UACA: variants seen among roughly 807,000 people sequenced by gnomAD.
UACA encodes the protein nuclear membrane binding protein.
A neutral mutation model predicts 160.5 loss-of-function variants in UACA; 112 were observed. That is an observed-to-expected ratio of 0.70 (90% CI 0.60 to 0.82). The LOEUF is 0.82. Among genes scored for constraint, UACA ranks in the 40% least tolerant of loss-of-function variants. UACA has a pLI of 0.00. For missense variants in UACA, 1,574 were observed against 1,614.6 expected, an observed-to-expected ratio of 0.97 and a Z score of 0.43; for synonymous variants, 557 against 568.4, an observed-to-expected ratio of 0.98 and a Z score of 0.29.
chr15:70,689,142 G>A (rs778675934), intron 5 of UACA, among the ~76,000 whole-genome samples: 1 of 152,098 alleles, frequency 6.6e-6, no homozygotes, highest in Non-Finnish European at 1.5e-5. Flanking sequence ...CTAGAATACG[G>A]CTACGACCAC....
chr15:70,744,434 T>C (rs1011348398), intron 1 of UACA, among the ~76,000 whole-genome samples: 2 of 152,076 alleles, frequency 1.3e-5, no homozygotes, highest in African/African-American at 4.8e-5. Context: ...ATATACCCGA[T>C]GCCTCATAAA....
rs538413326 is a variant in UACA at position 70,693,830 on chromosome 15, C to T, written c.301+1187G>A. ...GAGCTCTGAAGAGGTAAGGTTAGTC[C>T]AAAATTTCTAAAAATAAATATTCTT... On this transcript the variant is annotated intron_variant, in intron 3 of 18. Coordinates refer to ENST00000322954, the MANE Select transcript of UACA (RefSeq NM_018003.4). 1.8e-4 allele frequency among the ~76,000 whole-genome samples: 28 copies of T among 152,170 alleles called. 1 individual carries two copies. In the South Asian group the frequency reaches 5.4e-3, roughly 29 times the overall value.
At chr15:70,715,764 G>A (rs923324698) in intron 1 of UACA, among the ~76,000 whole-genome samples, 4 of 152,010 alleles carry the variant, frequency 2.6e-5, no homozygotes, top group Admixed American at 6.5e-5. Flanking sequence ...AATTAATAAT[G>A]AGAAAGAATG....
intron 1 of UACA, among the ~76,000 whole-genome samples, chr15:70,737,680 C>A (rs1899410062): frequency 6.6e-6 from 1 of 152,070 alleles, no homozygotes; most frequent in South Asian, 2.1e-4. Context: ...TGTACTTTAA[C>A]CTGGGTGGAA....
At chr15:70,691,225 C>A (rs1311815081) in intron 4 of UACA, 74 bp downstream of exon 4, 2 of 1,105,712 alleles carry the variant, frequency 1.8e-6, no homozygotes, top group Admixed American at 2.4e-5. Context: ...TCTAAAATTC[C>A]AAAAACACAT....
Position 70,668,335 on chromosome 15 carries a change from CTCCATT to C in UACA, c.2343_2348del (p.Met782_Glu783del). On this transcript the variant is annotated inframe_deletion, in exon 16 of 19. Transcript: ENST00000322954. Reference sequence around the variant, plus strand: ...AGCTGTCATTTTCCAGTAGCAATTTCTCCATTTCCAACTTCTTTTCTGTATATTTTT... The same window carrying C: ...AGCTGTCATTTTCCAGTAGCAATTTCTCCAACTTCTTTTCTGTATATTTTT... 4 of 1,610,660 alleles carry C rather than the reference CTCCATT, an allele frequency of 2.5e-6. No homozygotes were observed. Among genetic ancestry groups the C allele is most frequent in the African/African-American group, 2.7e-5 (2 of 74,728 alleles).
intron 1 of UACA, among the ~76,000 whole-genome samples, chr15:70,710,093 C>T (rs1454704179): frequency 6.6e-6 from 1 of 151,896 alleles, no homozygotes; most frequent in African/African-American, 2.4e-5. Context: ...CCTCTCTCTA[C>T]AAAAAATACA....
Position 70,763,489 on chromosome 15 carries a change from G to GC in UACA, c.-83dup. ...CAAGGAGTAGACGGCAGCGGCTGCAGCAGAGGCGGCGCGGGCTGTACCAGC... is the reference window on the plus strand; with the variant it reads ...CAAGGAGTAGACGGCAGCGGCTGCAGCCAGAGGCGGCGCGGGCTGTACCAGC... On this transcript the variant is annotated 5_prime_UTR_variant, in exon 1 of 19. Transcript: ENST00000322954. 1 of 1,258,672 alleles carries GC rather than the reference G, an allele frequency of 7.9e-7. No individual in the cohort carries two copies. The highest frequency in any genetic ancestry group is 3.2e-5 in the East Asian group (1 of 31,616). The allele number at this position is 1,258,672 out of a possible 1,614,324, so 78.0% of individuals were successfully genotyped here.
Position 70,763,409 on chromosome 15 carries a change from G to A in UACA, c.-2C>T. On this transcript the variant is annotated 5_prime_UTR_variant, in exon 1 of 19. Coordinates refer to ENST00000322954, the MANE Select transcript of UACA (RefSeq NM_018003.4). ...CAGGCGGGACTTGAGGCTCTTCATG[G>A]CTAACTCTTGCCTGGCCCCCGCGCG... The A allele has an allele frequency of 7.6e-7, 1 of 1,316,114 alleles. No homozygotes were observed. The allele number at this position is 1,316,114 out of a possible 1,614,324, so 81.5% of individuals were successfully genotyped here.
the UACA span, among the ~76,000 whole-genome samples, chr15:70,774,963 G>A: frequency 6.6e-6 from 1 of 152,126 alleles, no homozygotes; most frequent in Non-Finnish European, 1.5e-5. Context: ...GGGAGGCCAA[G>A]GTGGAGGATC....
upstream of UACA, among the ~76,000 whole-genome samples, chr15:70,767,254 AAACAAAAAACAAAAACAAAAAC>A (rs1189425270): frequency 1.2e-4 from 15 of 128,124 alleles, no homozygotes; most frequent in South Asian, 1.8e-3. Context: ...AAAAAAAAAA[AAACAAAAAACAAAAACAAAAAC>A]AACAACAATA....
chr15:70,704,668 T>C lies in UACA; in HGVS notation c.79-5008A>G, dbSNP rs1488910616. On this transcript the variant is annotated intron_variant, in intron 1 of 18. Coordinates refer to ENST00000322954, the MANE Select transcript of UACA (RefSeq NM_018003.4). ...TATATGTGTAAAATCAAATAGCTAA[T>C]AGATATGAATGATCTCAGCACCATG... 2.0e-5 allele frequency among the ~76,000 whole-genome samples: 3 copies of C among 152,200 alleles called. No homozygotes were observed. In the East Asian group the frequency reaches 5.8e-4, roughly 29 times the overall value.
In UACA at chr15:70,684,270, T is replaced by C; in HGVS notation, c.779A>G (p.Asn260Ser). 6.2e-7 allele frequency: 1 copy of C among 1,602,536 alleles called. No homozygotes were observed. The highest frequency in any genetic ancestry group is 8.5e-7 in the Non-Finnish European group (1 of 1,176,338). ...TLLKTASENT[N>S]KGRELWKKGP... ...TTACAGAAAACTGCTGATACCTTTG[T>C]TGGTATTTTCCGATGCAGTCTTCAA... The change falls in exon 8 of 19, where the codon AAC (asparagine) becomes AGC (serine). Residue 260 changes from asparagine to serine, a missense_variant. Physicochemically the swap from Asn to Ser is conservative, Grantham distance 46 (BLOSUM62 1). Coordinates refer to ENST00000322954, the MANE Select transcript of UACA (RefSeq NM_018003.4).
intron 1 of UACA, among the ~76,000 whole-genome samples, chr15:70,760,278 A>G (rs2030668760): frequency 6.6e-6 from 1 of 152,174 alleles, no homozygotes; most frequent in Non-Finnish European, 1.5e-5. Context: ...GTTGTTTAAT[A>G]TTAAATATCG....
At position 70,668,883 on chromosome 15, in the gene UACA, C is replaced by G; in HGVS notation, c.1801G>C (p.Glu601Gln). The G allele has an allele frequency of 6.2e-7, 1 of 1,613,588 alleles. No homozygotes were observed. Among genetic ancestry groups the G allele is most frequent in the South Asian group, 1.1e-5 (1 of 90,976 alleles). The part of the protein sequence containing the change: ...LQKELSMCEM[E>Q]REKKGRKVTE... ...ACCTTTCTTCCTTTCTTCTCTCGCTCCATTTCACACATACTAAGTTCCTTC... is the reference window on the plus strand; with the variant it reads ...ACCTTTCTTCCTTTCTTCTCTCGCTGCATTTCACACATACTAAGTTCCTTC... Residue 601 changes from glutamate (E) to glutamine (Q), a missense_variant, in exon 16 of 19, where the codon GAG (glutamate) becomes CAG (glutamine). Physicochemically the swap from Glu to Gln is conservative, Grantham distance 29. Transcript: ENST00000322954.
intron 17 of UACA, among the ~76,000 whole-genome samples, chr15:70,661,931 T>G (rs184255759): frequency 2.6e-5 from 4 of 152,180 alleles, no homozygotes; most frequent in Admixed American, 1.3e-4. Flanking sequence ...ACTGGAAGCA[T>G]TCCCTTTGAA....
chr15:70,684,233 G>A (rs761579924), intron 8 of UACA, 32 bp downstream of exon 8: 2 of 1,555,708 alleles, frequency 1.3e-6, no homozygotes, highest in Non-Finnish European at 1.7e-6. Flanking sequence ...TTGTTAATGT[G>A]GACTTTTCTA....
At chr15:70,772,446 T>C in the UACA span, among the ~76,000 whole-genome samples, 1 of 144,288 alleles carries the variant, frequency 6.9e-6, no homozygotes, top group Admixed American at 7.1e-5. Context: ...TGAGCCAAGG[T>C]TGCGCCACTG....
chr15:70,664,606 T>A (rs1183131783), intron 17 of UACA, 56 bp downstream of exon 17: 9 of 1,535,686 alleles, frequency 5.9e-6, no homozygotes, highest in South Asian at 1.3e-5. Flanking sequence ...CCTTACAAAC[T>A]AACTACAGGG....
Sources: gnomAD v4.1 joint callset for allele counts (sites outside exome capture counted in the v4.1 genomes callset) on GRCh38, gnomAD v4.1.1 for gene constraint, MANE v1.5 for transcripts, NCBI Gene and HGNC (gene_info 2026-07-23, HGNC 2026-07-21) for gene names.